Variants in ADAM17 observed in about 807,000 individuals in gnomAD.
ADAM17 encodes disintegrin and metalloproteinase domain-containing protein 17.
Under a neutral mutation model 96.7 loss-of-function variants are expected in ADAM17, and 39 were observed. That is an observed-to-expected ratio of 0.40 (90% CI 0.31 to 0.53). ADAM17 has a LOEUF of 0.53. Among genes scored for constraint, ADAM17 ranks in the 20% least tolerant of loss-of-function variants. The pLI is 0.44. For synonymous variants in ADAM17, 344 were observed against 359.2 expected, an observed-to-expected ratio of 0.96 and a Z score of 0.48; for missense variants, 777 against 1,013.2, an observed-to-expected ratio of 0.77 and a Z score of 3.17.
chr2:9,520,477 C>T (rs1402658959), intron 8 of ADAM17, among the ~76,000 whole-genome samples: 4 of 152,174 alleles, frequency 2.6e-5, no homozygotes, highest in African/African-American at 9.7e-5. Flanking sequence ...TTTCTACTCT[C>T]CAATACATGT....
intron 18 of ADAM17, 88 bp from the exon 19 acceptor site, chr2:9,490,606 C>G (rs781550447): frequency 4.7e-5 from 63 of 1,344,070 alleles, no homozygotes; most frequent in Non-Finnish European, 5.7e-5. Context: ...CAAACAGCCT[C>G]TTATTCTGTT....
Position 9,518,211 on chromosome 2 carries a change from C to A in ADAM17, c.994G>T (p.Val332Phe). ...SFDIAEEASK[V>F]CLAHLFTYQD... ...TATGTGAAAAGGTGTGCCAAGCAAA[C>A]TTTAGATGCTTCCTCAGCTATATCA... Residue 332 changes from valine (V) to phenylalanine (F), a missense_variant, in exon 9 of 19, where the codon GTT becomes TTT. Physicochemically the swap from Val to Phe is conservative, Grantham distance 50. This residue lies in a region of ADAM17 where 446 missense variants were observed against 664.7 expected (regional missense o/e 0.67). Transcript: ENST00000310823. 7.2e-7 allele frequency: 1 copy of A among 1,393,204 alleles called. No homozygotes were observed. Among genetic ancestry groups the A allele is most frequent in the Non-Finnish European group, 9.5e-7 (1 of 1,053,962 alleles). 86.3% of individuals were successfully genotyped at this position (1,393,204 alleles called of 1,614,324 possible).
chr2:9,506,359 GT>G (rs769256744), intron 11 of ADAM17, among the ~76,000 whole-genome samples: 1,973 of 73,238 alleles, frequency 0.027, 18 homozygotes, highest in African/African-American at 0.058. Flanking sequence ...CTTCAAATCT[GT>G]TTTTTTTTTT....
At chr2:9,525,747 CAT>C (rs919356112) in intron 6 of ADAM17, among the ~76,000 whole-genome samples, 22 of 152,218 alleles carry the variant, frequency 1.4e-4, no homozygotes, top group African/African-American at 4.8e-4. Context: ...AAAAGAAAAA[CAT>C]GGGTTCATGC....
intron 1 of ADAM17, among the ~76,000 whole-genome samples, chr2:9,546,765 A>G (rs1283986108): frequency 7.1e-6 from 1 of 141,704 alleles, no homozygotes; most frequent in Non-Finnish European, 1.5e-5. Flanking sequence ...GCTGGAATGC[A>G]GTGGCGTGAT....
chr2:9,540,643 GC>G (rs1384147815), intron 2 of ADAM17, among the ~76,000 whole-genome samples: 1 of 152,058 alleles, frequency 6.6e-6, no homozygotes, highest in Non-Finnish European at 1.5e-5. Flanking sequence ...TTAAAAATTT[GC>G]CTAAAATAAC....
intron 11 of ADAM17, among the ~76,000 whole-genome samples, chr2:9,505,927 C>T (rs898460321): frequency 2.6e-5 from 4 of 152,126 alleles, no homozygotes; most frequent in Non-Finnish European, 5.9e-5. Flanking sequence ...ATTAAATCCC[C>T]AATTGTTACC....
At chr2:9,527,718 A>C (rs1235198572) in intron 5 of ADAM17, 68 bp downstream of exon 5, 1 of 1,095,314 alleles carries the variant, frequency 9.1e-7, no homozygotes, top group Non-Finnish European at 1.2e-6. Context: ...AACAAATAAC[A>C]ACCACCCCTA....
At chr2:9,514,941 T>C (rs186961108) in intron 10 of ADAM17, among the ~76,000 whole-genome samples, 246 of 152,258 alleles carry the variant, frequency 1.6e-3, no homozygotes, top group Non-Finnish European at 2.7e-3. Flanking sequence ...ACAGTTGCAT[T>C]TATCACACTA....
intron 17 of ADAM17, among the ~76,000 whole-genome samples, chr2:9,491,906 C>T (rs928676579): frequency 2.6e-5 from 4 of 152,204 alleles, no homozygotes; most frequent in Non-Finnish European, 5.9e-5. Flanking sequence ...AAATAGGTTC[C>T]ATCCTCCAAT....
At chr2:9,534,537 AAAACAAAC>A (rs1011107186) in intron 4 of ADAM17, among the ~76,000 whole-genome samples, 8 of 152,098 alleles carry the variant, frequency 5.3e-5, no homozygotes, top group African/African-American at 1.9e-4. Context: ...TCCGTCTCAA[AAAACAAAC>A]AAACAAACAA....
At chr2:9,534,412 G>A (rs1664873053) in intron 4 of ADAM17, among the ~76,000 whole-genome samples, 1 of 151,912 alleles carries the variant, frequency 6.6e-6, no homozygotes, top group South Asian at 2.1e-4. Flanking sequence ...GCGCACACCT[G>A]CAGTCCCAGC....
chr2:9,533,249 C>T (rs1664823972), intron 4 of ADAM17, among the ~76,000 whole-genome samples: 1 of 151,570 alleles, frequency 6.6e-6, no homozygotes, highest in Non-Finnish European at 1.5e-5. Context: ...CATATTTTGG[C>T]TTAAGAATTA....
chr2:9,490,241 T>G lies in ADAM17; in HGVS notation c.2411A>C (p.Glu804Ala), dbSNP rs1008774991. Reference protein sequence around the residue: ...DLTDHPVTRSEKAASFKLQRQ... With the variant: ...DLTDHPVTRSAKAASFKLQRQ... ...CTGCAGTTTAAAGGAGGCAGCCTTTTCACTTCTGGTGACCGGATGGTCCGT... is the reference window on the plus strand; with the variant it reads ...CTGCAGTTTAAAGGAGGCAGCCTTTGCACTTCTGGTGACCGGATGGTCCGT... The change falls in exon 19 of 19, where the codon GAA becomes GCA. Residue 804 changes from glutamate to alanine, a missense_variant. Physicochemically the swap from Glu to Ala is moderately radical, Grantham distance 107. This residue lies in a region of ADAM17 where 197 missense variants were observed against 219.4 expected (regional missense o/e 0.90). Coordinates refer to ENST00000310823, the MANE Select transcript of ADAM17 (RefSeq NM_003183.6). 4 of 1,610,964 alleles carry G rather than the reference T, an allele frequency of 2.5e-6. No individual in the cohort carries two copies. The African/African-American group carries it at 5.3e-5, about 22-fold the overall frequency.
chr2:9,499,651 C>T (rs998695428), intron 13 of ADAM17, among the ~76,000 whole-genome samples: 2 of 152,118 alleles, frequency 1.3e-5, no homozygotes, highest in East Asian at 3.9e-4. Context: ...ATCTGCCCAC[C>T]TCGGCCTCCC....
Position 9,523,215 on chromosome 2 carries a change from TTAAG to T in ADAM17, c.843+30_843+33del, listed in dbSNP as rs761768773. Reference sequence around the variant, plus strand: ...GTGACAAATATTTACATTACAAAACTTAAGTAATATAAGCCATATCTATTGATAA... The same window carrying T: ...GTGACAAATATTTACATTACAAAACTTAATATAAGCCATATCTATTGATAA... On this transcript the variant is annotated intron_variant, in intron 7 of 18. Coordinates refer to ENST00000310823, the MANE Select transcript of ADAM17 (RefSeq NM_003183.6). 3.4e-5 allele frequency: 50 copies of T among 1,478,720 alleles called. No individual in the cohort carries two copies. In the African/African-American group the frequency reaches 3.8e-4, roughly 11 times the overall value. 91.6% of individuals were successfully genotyped at this position (1,478,720 alleles called of 1,614,324 possible).
intron 1 of ADAM17, among the ~76,000 whole-genome samples, chr2:9,553,879 T>A (rs1441950434): frequency 1.3e-4 from 20 of 151,384 alleles, no homozygotes; most frequent in Admixed American, 1.3e-3. Flanking sequence ...CTGGCCAACA[T>A]GGTGAAACCC....
chr2:9,509,268 T>C (rs943981803), intron 11 of ADAM17, among the ~76,000 whole-genome samples: 1 of 152,234 alleles, frequency 6.6e-6, no homozygotes. Context: ...CTTTATGCTG[T>C]TTAACTTCAA....
chr2:9,550,690 C>T (rs1243791674), intron 1 of ADAM17, among the ~76,000 whole-genome samples: 19 of 151,664 alleles, frequency 1.3e-4, no homozygotes, highest in African/African-American at 3.9e-4. Flanking sequence ...AGTCATCCGC[C>T]GGCCTCAGCC....
Sources: allele counts gnomAD v4.1 joint callset (sites outside exome capture counted in the v4.1 genomes callset), GRCh38; gene constraint gnomAD v4.1.1; regional missense constraint gnomAD v4.1.1; transcripts MANE v1.5; gene names NCBI Gene and HGNC (gene_info 2026-07-23, HGNC 2026-07-21).